Variants in ALOX12B observed in about 807,000 individuals in gnomAD.
The protein encoded by ALOX12B is arachidonate 12-lipoxygenase, 12R type.
Under a neutral mutation model 78.9 loss-of-function variants are expected in ALOX12B, and 47 were observed. The observed-to-expected ratio is 0.60, with a 90% CI of 0.47 to 0.76. ALOX12B has a LOEUF of 0.76. Among genes scored for constraint, ALOX12B ranks in the 30% least tolerant of loss-of-function variants. ALOX12B has a pLI of 0.00. For missense variants in ALOX12B, 805 were observed against 922.6 expected (o/e 0.87, Z 1.65); for synonymous variants, 370 against 374.5 (o/e 0.99, Z 0.14).
At chr17:8,077,646 G>T (rs1325894431) in intron 8 of ALOX12B, among the ~76,000 whole-genome samples, 1 of 152,344 alleles carries the variant, frequency 6.6e-6, no homozygotes, top group South Asian at 2.1e-4. Flanking sequence ...CCCAGAGGGA[G>T]CCTCTTTCTA....
Position 8,087,322 on chromosome 17 carries a change from A to G in ALOX12B, c.121T>C (p.Phe41Leu). The G allele has an allele frequency of 6.2e-7, 1 of 1,613,744 alleles. No individual in the cohort carries two copies. The highest frequency in any genetic ancestry group is 8.5e-7 in the Non-Finnish European group (1 of 1,179,968). Residue 41 changes from phenylalanine to leucine, a missense_variant, in exon 1 of 15, where the codon TTT becomes CTT. By Grantham distance (22) the Phe-to-Leu change is conservative. Transcript: ENST00000647874. ...GCCCCAGTTGCAAAGTCTCTCCCAA[A>G]GTGGTTCAGCAGCTGCTTATGGCTC... is the stretch of plus-strand genomic sequence containing the variant. Reference protein sequence around the residue: ...GESHKQLLNHFGRDFATGAVG... With the variant: ...GESHKQLLNHLGRDFATGAVG...
chr17:8,080,040 G>C lies in ALOX12B; in HGVS notation c.755-99C>G. The C allele has an allele frequency of 6.5e-7, 1 of 1,544,686 alleles. No homozygotes were observed. Among genetic ancestry groups the C allele is most frequent in the Non-Finnish European group, 8.8e-7 (1 of 1,134,200 alleles). On this transcript the variant is annotated intron_variant, in intron 6 of 14. Transcript: ENST00000647874. The surrounding 1 kb of genome is among the most constrained non-coding windows in gnomAD (Gnocchi z 4.8). ...AGACTATGGGCACCGAGAGGAGTCG[G>C]GGAGGAAAACGAGGCCCCCAGCCTG...
rs2151823271 is a variant in ALOX12B, at chr17:8,080,594, A to G, written c.650+64T>C. On this transcript the variant is annotated intron_variant, in intron 5 of 14. Coordinates refer to ENST00000647874, the MANE Select transcript of ALOX12B (RefSeq NM_001139.3). This position sits in a 1 kb window ranked among gnomAD's most constrained non-coding sequence, Gnocchi z 4.8. ...TCTGGGGCTGTCTTGGAGGCCGCCAAGGTTGGGGGAGAGGGAAAGTTCTTG... is the reference window on the plus strand; with the variant it reads ...TCTGGGGCTGTCTTGGAGGCCGCCAGGGTTGGGGGAGAGGGAAAGTTCTTG... 3.1e-6 allele frequency: 5 copies of G among 1,612,148 alleles called. No homozygotes were observed. The highest frequency in any genetic ancestry group is 2.2e-5 in the East Asian group (1 of 44,860).
At position 8,075,787 on chromosome 17, in the gene ALOX12B, C is replaced by T. The variant is rs188409552; in HGVS notation, c.1533-71G>A. 9.9e-6 allele frequency: 16 copies of T among 1,612,952 alleles called. No homozygotes were observed. The African/African-American group carries it at 2.1e-4, about 21-fold the overall frequency. The stretch of plus-strand genomic sequence containing the variant: ...CTCCTCAGCCAGGCTTCTCCCACCT[C>T]CCCCAGGGTGCCCTGACCTCAGTTG... On this transcript the variant is annotated intron_variant, in intron 11 of 14. Transcript: ENST00000647874.
intron 9 of ALOX12B, 31 bp downstream of exon 9, chr17:8,076,959 C>G (rs1977098139): frequency 1.2e-6 from 2 of 1,604,268 alleles, no homozygotes; most frequent in Admixed American, 3.4e-5. Context: ...GCCATGATGC[C>G]TGGGGGAGGC....
At chr17:8,083,727 T>A (rs1978290106) in intron 2 of ALOX12B, among the ~76,000 whole-genome samples, 1 of 140,774 alleles carries the variant, frequency 7.1e-6, no homozygotes, top group African/African-American at 2.7e-5. Context: ...AGACTCTGTC[T>A]CAAAAGAAAA....
Position 8,073,309 on chromosome 17 carries a change from T to C in ALOX12B, c.1765A>G (p.Thr589Ala). 1.9e-6 allele frequency: 3 copies of C among 1,614,084 alleles called. No homozygotes were observed. Among genetic ancestry groups the C allele is most frequent in the Non-Finnish European group, 2.5e-6 (3 of 1,180,006 alleles). ...GCTGGGAAGTTGGGCATCCAGGCGG[T>C]GAACTCCATCTGGAGGTGGGATAGA... The part of the protein sequence containing the change: ...AAVNTGQMEF[T>A]AWMPNFPASM... Residue 589 changes from threonine to alanine, a missense_variant, in exon 14 of 15, where the codon ACC (threonine) becomes GCC (alanine). Thr to Ala is a moderately conservative substitution (Grantham distance 58). Transcript: ENST00000647874.
At chr17:8,075,039 C>G (rs1977052565) in intron 12 of ALOX12B, among the ~76,000 whole-genome samples, 1 of 152,206 alleles carries the variant, frequency 6.6e-6, no homozygotes, top group Non-Finnish European at 1.5e-5. Flanking sequence ...CCTGGGCTTC[C>G]CCACAACTTA....
At chr17:8,081,896 G>C (rs976777156) in intron 2 of ALOX12B, among the ~76,000 whole-genome samples, 16 of 152,118 alleles carry the variant, frequency 1.1e-4, no homozygotes, top group Non-Finnish European at 2.2e-4. Flanking sequence ...GCACGCCTCT[G>C]CCTCCCAAAG....
chr17:8,073,576 C>A lies in ALOX12B; in HGVS notation c.1755+81G>T, dbSNP rs140009603. The A allele has an allele frequency of 9.2e-4, 1,209 of 1,321,176 alleles. 7 individuals carry two copies. The African/African-American group carries it at 0.015, about 16-fold the overall frequency. The allele number at this position is 1,321,176 out of a possible 1,614,324, so 81.8% of individuals were successfully genotyped here. On this transcript the variant is annotated intron_variant, in intron 13 of 14. Transcript: ENST00000647874. ...GCTGGACCAGGGATTATGGCTGAGG[C>A]TGGGTTTGAGGTTGGGGCATGGACG...
intron 12 of ALOX12B, 126 bp from the exon 13 acceptor site, chr17:8,073,883 T>G (rs1977032807): frequency 1.3e-6 from 1 of 764,260 alleles, no homozygotes; most frequent in Admixed American, 2.0e-5. Flanking sequence ...ATCCGTACCC[T>G]CATCCTGCCT....
intron 2 of ALOX12B, chr17:8,081,535 T>C: frequency 2.5e-6 from 1 of 397,670 alleles, no homozygotes; most frequent in African/African-American, 2.1e-5. Context: ...AGGTTACCCA[T>C]CACCCAAATA....
chr17:8,077,355 C>T (rs1977109957), intron 8 of ALOX12B, among the ~76,000 whole-genome samples, 162 bp from the exon 9 acceptor site: 2 of 152,172 alleles, frequency 1.3e-5, no homozygotes, highest in Admixed American at 1.3e-4. Context: ...CCTCCCTCCC[C>T]ACATTTGATC....
At chr17:8,082,636 A>C (rs1257329176) in intron 2 of ALOX12B, among the ~76,000 whole-genome samples, 1 of 152,222 alleles carries the variant, frequency 6.6e-6, no homozygotes, top group Non-Finnish European at 1.5e-5. Flanking sequence ...CCTCCCTTTC[A>C]GTGTTTCACC....
Position 8,077,049 on chromosome 17 carries a change from C to T in ALOX12B, c.1216G>A (p.Ala406Thr), listed in dbSNP as rs1482380915. 1 of 1,614,042 alleles carries T rather than the reference C, an allele frequency of 6.2e-7. No individual in the cohort carries two copies. The highest frequency in any genetic ancestry group is 2.2e-5 in the East Asian group (1 of 44,878). The change falls in exon 9 of 15, where the codon GCT (alanine) becomes ACT (threonine). Residue 406 changes from alanine to threonine, a missense_variant. Coordinates refer to ENST00000647874, the MANE Select transcript of ALOX12B (RefSeq NM_001139.3). ...AGCAAGGCCAGGCAGAAGGCCTCAG[C>T]AATGAGGTGTGTCTCCAGCAGGTGG... The part of the protein sequence containing the change: ...IAHLLETHLI[A>T]EAFCLALLRN...
chr17:8,080,828 G>A lies in ALOX12B; in HGVS notation c.528-48C>T. 6.2e-7 allele frequency: 1 copy of A among 1,613,996 alleles called. No homozygotes were observed. Among genetic ancestry groups the A allele is most frequent in the Non-Finnish European group, 8.5e-7 (1 of 1,179,970 alleles). On this transcript the variant is annotated intron_variant, in intron 4 of 14. Transcript: ENST00000647874. The surrounding 1 kb of genome is among the most constrained non-coding windows in gnomAD (Gnocchi z 4.8). ...ACTGGGATCCAGGGGGCGGGGAGGA[G>A]GCAGGCGCCCAGGGGAAAACCATGG...
chr17:8,073,329 G>C lies in ALOX12B; in HGVS notation c.1756-11C>G, dbSNP rs755543290. On this transcript the variant is annotated splice_polypyrimidine_tract_variant and intron_variant, in intron 13 of 14. Coordinates refer to ENST00000647874, the MANE Select transcript of ALOX12B (RefSeq NM_001139.3). ...GGCGGTGAACTCCATCTGGAGGTGG[G>C]ATAGAGGCGCGGGTCTGGGTGGAAG... 1.2e-6 allele frequency: 2 copies of C among 1,614,000 alleles called. No individual in the cohort carries two copies. Among genetic ancestry groups the C allele is most frequent in the Non-Finnish European group, 1.7e-6 (2 of 1,180,056 alleles).
chr17:8,076,968 GC>G (rs1567981816), intron 9 of ALOX12B, 21 bp downstream of exon 9: 1 of 1,607,482 alleles, frequency 6.2e-7, no homozygotes, highest in Non-Finnish European at 8.5e-7. Flanking sequence ...CCTGGGGGAG[GC>G]CCCTTCTCCC....
In ALOX12B at chr17:8,079,055, G is replaced by A. The variant is rs1209011308; in HGVS notation, c.1071+341C>T. ...TGGGACTACAGGCGCCCGCCACCACGCCCGGCTAAATTTTTGTATTTTTAG... is the reference window on the plus strand; with the variant it reads ...TGGGACTACAGGCGCCCGCCACCACACCCGGCTAAATTTTTGTATTTTTAG... On this transcript the variant is annotated intron_variant, in intron 8 of 14. Coordinates refer to ENST00000647874, the MANE Select transcript of ALOX12B (RefSeq NM_001139.3). The surrounding 1 kb of genome is among the most constrained non-coding windows in gnomAD (Gnocchi z 6.4). Among the ~76,000 whole-genome samples, 5 of 152,114 alleles carry A rather than the reference G, an allele frequency of 3.3e-5. No homozygotes were observed. In the East Asian group the frequency reaches 5.8e-4, roughly 18 times the overall value.
Sources: allele counts gnomAD v4.1 joint callset (sites outside exome capture counted in the v4.1 genomes callset), GRCh38; gene constraint gnomAD v4.1.1; non-coding constraint Gnocchi (gnomAD v3.1); transcripts MANE v1.5; gene names NCBI Gene and HGNC (gene_info 2026-07-23, HGNC 2026-07-21).